IMPDH1: variants seen among roughly 807,000 people sequenced by gnomAD.
IMPDH1 encodes inosine monophosphate dehydrogenase 1, also known as inosine-5'-monophosphate dehydrogenase 1.
In IMPDH1, 41 loss-of-function variants were observed where a neutral mutation model predicts 73.5. The observed-to-expected ratio is 0.56, with a 90% CI of 0.43 to 0.72. The LOEUF is 0.72. IMPDH1 is among the 30% of genes least tolerant of loss of function. The probability of loss-of-function intolerance (pLI) is 0.00; values close to 1 mark genes in which losing one functional copy is unlikely to be tolerated. For synonymous variants in IMPDH1, 318 were observed against 334.3 expected (o/e 0.95, Z 0.53); for missense variants, 645 against 824.8 (o/e 0.78, Z 2.67).
intron 3 of IMPDH1, among the ~76,000 whole-genome samples, chr7:128,408,516 A>G (rs1335387740): frequency 7.2e-6 from 1 of 139,086 alleles, no homozygotes; most frequent in Non-Finnish European, 1.6e-5. Context: ...ATCTCACTAC[A>G]CCACCTGGCT....
At chr7:128,404,769 G>C (rs924563643) in intron 4 of IMPDH1, among the ~76,000 whole-genome samples, 3 of 152,156 alleles carry the variant, frequency 2.0e-5, no homozygotes, top group African/African-American at 7.2e-5. Context: ...AAAAAACAAA[G>C]AATTTCGGCT....
chr7:128,409,948 G>A lies in IMPDH1; in HGVS notation c.-47C>T. ...GGGCGGGAGCCTGGAGGCTCCCGGG[G>A]CCCCGGCTGGGCAGTGAGCGCAGCC... is the stretch of plus-strand genomic sequence containing the variant. On this transcript the variant is annotated 5_prime_UTR_variant, in exon 1 of 17. Coordinates refer to ENST00000338791, the MANE Select transcript of IMPDH1 (RefSeq NM_000883.4). The A allele has an allele frequency of 7.6e-7, 1 of 1,321,392 alleles. No individual in the cohort carries two copies. Among genetic ancestry groups the A allele is most frequent in the Non-Finnish European group, 9.6e-7 (1 of 1,040,574 alleles). The allele number at this position is 1,321,392 out of a possible 1,614,324, so 81.9% of individuals were successfully genotyped here. A position where few individuals can be genotyped will look rare whatever the true frequency, so the allele number is the denominator to read the frequency against.
intron 3 of IMPDH1, among the ~76,000 whole-genome samples, chr7:128,406,368 A>G (rs1230449332): frequency 2.2e-5 from 3 of 134,968 alleles, no homozygotes; most frequent in Non-Finnish European, 3.2e-5. Context: ...CCTTCTCCCC[A>G]GGGCACCTCT....
At position 128,394,916 on chromosome 7, in the gene IMPDH1, C is replaced by T. The variant is rs1797804894; in HGVS notation, c.1523G>A (p.Ser508Asn). The T allele has an allele frequency of 1.2e-6, 2 of 1,612,846 alleles. No homozygotes were observed. The highest frequency in any genetic ancestry group is 1.7e-6 in the Non-Finnish European group (2 of 1,180,028). The change falls in exon 14 of 17, where the codon AGC (serine) becomes AAC (asparagine). Residue 508 changes from serine (S) to asparagine (N), a missense_variant. Transcript: ENST00000338791. This position sits in a 1 kb window ranked among gnomAD's most constrained non-coding sequence, Gnocchi z 5.5. ...GMGSLDAMEK[S>N]SSSQKRYFSE... is the part of the protein sequence containing the mutation. The stretch of plus-strand genomic sequence containing the variant: ...GAAGTATCGTTTCTGGCTGCTGCTG[C>T]TCTTCTCCATGGCATCCAGTGAGCC...
In IMPDH1 at chr7:128,398,917, C is replaced by T. The variant is rs188431915; in HGVS notation, c.875-304G>A. On this transcript the variant is annotated intron_variant, in intron 9 of 16. Coordinates refer to ENST00000338791, the MANE Select transcript of IMPDH1 (RefSeq NM_000883.4). The surrounding 1 kb of genome is among the most constrained non-coding windows in gnomAD (Gnocchi z 4.3). Reference sequence around the variant, plus strand: ...CTTTCACCTGCTGGGCCACAGTGGCCGAAATCTCCTAGCCAGGAGTGATGC... The same window carrying T: ...CTTTCACCTGCTGGGCCACAGTGGCTGAAATCTCCTAGCCAGGAGTGATGC... Among the ~76,000 whole-genome samples the T allele has an allele frequency of 1.1e-3, 169 of 152,240 alleles. No homozygotes were observed. Among genetic ancestry groups the T allele is most frequent in the African/African-American group, 3.8e-3 (159 of 41,524 alleles).
rs1273358451 is a variant in IMPDH1 at position 128,398,143 on chromosome 7, C to T, written c.1074+271G>A. ...TTCTTTGTATCTCAGATGACACAAA[C>T]CATTGTTTGTTTTTTGAGAAAGGGT... On this transcript the variant is annotated intron_variant, in intron 10 of 16. Transcript: ENST00000338791. The surrounding 1 kb of genome is among the most constrained non-coding windows in gnomAD (Gnocchi z 4.3). Among the ~76,000 whole-genome samples, 1 of 152,158 alleles carries T rather than the reference C, an allele frequency of 6.6e-6. No individual in the cohort carries two copies. The highest frequency in any genetic ancestry group is 1.5e-5 in the Non-Finnish European group (1 of 68,024).
Position 128,400,356 on chromosome 7 carries a change from C to T in IMPDH1, c.763G>A (p.Asp255Asn), listed in dbSNP as rs1299517680. Residue 255 changes from aspartate (D) to asparagine (N), a missense_variant, in exon 8 of 17, where the codon GAC (aspartate) becomes AAC (asparagine). Physicochemically the swap from Asp to Asn is conservative, Grantham distance 23. Around this residue, in one of 2 missense-constraint regions of IMPDH1, gnomAD observed 459 missense variants for 638.2 expected, o/e 0.72. Coordinates refer to ENST00000338791, the MANE Select transcript of IMPDH1 (RefSeq NM_000883.4). The stretch of plus-strand genomic sequence containing the variant: ...ACCTCACTGAGGAGGGTGGTGTGGT[C>T]CTTCTCAGCAAGAAAGTCGATGTCT... ...SRDIDFLAEK[D>N]HTTLLSEVMT... 1 of 1,613,500 alleles carries T rather than the reference C, an allele frequency of 6.2e-7. No individual in the cohort carries two copies.
intron 4 of IMPDH1, among the ~76,000 whole-genome samples, chr7:128,405,527 G>A (rs531630642): frequency 6.6e-6 from 1 of 152,292 alleles, no homozygotes; most frequent in East Asian, 1.9e-4. Flanking sequence ...AGGAGGAAGG[G>A]GACAGGCCGA....
Position 128,401,076 on chromosome 7 carries a change from G to A in IMPDH1, c.443C>T (p.Thr148Met), listed in dbSNP as rs150278198. ...SALTRKITLK[T>M]PLISSPMDTV... is the part of the protein sequence containing the mutation. ...GTCCATGGGGGAGGAGATCAGTGGC[G>A]TCTTCAGCGTGATCTTCCGGGTCAG... is the stretch of plus-strand genomic sequence containing the variant. Residue 148 changes from threonine to methionine, a missense_variant, in exon 6 of 17, where the codon ACG becomes ATG. Physicochemically the swap from Thr to Met is moderately conservative, Grantham distance 81. Transcript: ENST00000338791. 3.7e-5 allele frequency: 60 copies of A among 1,613,920 alleles called. No individual in the cohort carries two copies. Among genetic ancestry groups the A allele is most frequent in the African/African-American group, 8.0e-5 (6 of 74,904 alleles).
chr7:128,409,941 T>TC lies in IMPDH1; in HGVS notation c.-41dup. The TC allele has an allele frequency of 7.6e-7, 1 of 1,324,270 alleles. No individual in the cohort carries two copies. Among genetic ancestry groups the TC allele is most frequent in the Non-Finnish European group, 9.6e-7 (1 of 1,042,690 alleles). 82.0% of individuals were successfully genotyped at this position (1,324,270 alleles called of 1,614,324 possible). On this transcript the variant is annotated 5_prime_UTR_variant, in exon 1 of 17. Coordinates refer to ENST00000338791, the MANE Select transcript of IMPDH1 (RefSeq NM_000883.4). ...TCAGGGCGGGCGGGAGCCTGGAGGC[T>TC]CCCGGGGCCCCGGCTGGGCAGTGAG...
At position 128,400,317 on chromosome 7, in the gene IMPDH1, C is replaced by G. The variant is rs1798231600; in HGVS notation, c.786+16G>C. The G allele has an allele frequency of 1.2e-6, 2 of 1,612,916 alleles. No homozygotes were observed. The highest frequency in any genetic ancestry group is 8.5e-7 in the Non-Finnish European group (1 of 1,179,242). ...CCTCTCTACACCCAGCCCTGCTTCC[C>G]CTGCCCTGCAGGTACCTCACTGAGG... On this transcript the variant is annotated intron_variant, in intron 8 of 16. Coordinates refer to ENST00000338791, the MANE Select transcript of IMPDH1 (RefSeq NM_000883.4).
chr7:128,402,396 C>G (rs1426182198), intron 5 of IMPDH1, among the ~76,000 whole-genome samples: 1 of 152,252 alleles, frequency 6.6e-6, no homozygotes, highest in Non-Finnish European at 1.5e-5. Context: ...AGCCACCACG[C>G]CCAGCTGGTA....
chr7:128,395,887 G>A (rs1332792202), intron 12 of IMPDH1, among the ~76,000 whole-genome samples: 3 of 152,248 alleles, frequency 2.0e-5, no homozygotes, highest in Admixed American at 6.5e-5. Context: ...TTTCACCATG[G>A]TGGCCACCTA....
In IMPDH1 at chr7:128,398,726, C is replaced by T; in HGVS notation, c.875-113G>A. The stretch of plus-strand genomic sequence containing the variant: ...ACTCCAGAGATTCCACTGAAGTACC[C>T]CAGTCAGCCACTAGGTGACAGCACC... On this transcript the variant is annotated intron_variant, in intron 9 of 16. Coordinates refer to ENST00000338791, the MANE Select transcript of IMPDH1 (RefSeq NM_000883.4). The surrounding 1 kb of genome is among the most constrained non-coding windows in gnomAD (Gnocchi z 4.3). 1.2e-6 allele frequency: 1 copy of T among 835,270 alleles called. No homozygotes were observed. The highest frequency in any genetic ancestry group is 2.0e-6 in the Non-Finnish European group (1 of 499,420). The allele number at this position is 835,270 out of a possible 1,614,324, so 51.7% of individuals were successfully genotyped here.
rs1797912434 is a variant in IMPDH1 at position 128,396,358 on chromosome 7, C to T, written c.1261+242G>A. Among the ~76,000 whole-genome samples the T allele has an allele frequency of 6.6e-6, 1 of 152,196 alleles. No individual in the cohort carries two copies. Among genetic ancestry groups the T allele is most frequent in the Non-Finnish European group, 1.5e-5 (1 of 68,028 alleles). ...CATGGACAGTCACACCAGCCCCAGG[C>T]CCCAAGCCCCAGGCAGAGCCCCCTT... is the stretch of plus-strand genomic sequence containing the variant. On this transcript the variant is annotated intron_variant, in intron 12 of 16. Coordinates refer to ENST00000338791, the MANE Select transcript of IMPDH1 (RefSeq NM_000883.4). The surrounding 1 kb of genome is among the most constrained non-coding windows in gnomAD (Gnocchi z 4.0).
intron 8 of IMPDH1, 75 bp downstream of exon 8, chr7:128,400,258 C>T (rs1268117100): frequency 6.3e-7 from 1 of 1,597,788 alleles, no homozygotes; most frequent in Non-Finnish European, 8.6e-7. Context: ...GGTCCCTGGT[C>T]ACAGGCACCA....
At chr7:128,393,569 G>A (rs1233392055) in intron 16 of IMPDH1, among the ~76,000 whole-genome samples, 2 of 152,102 alleles carry the variant, frequency 1.3e-5, no homozygotes, top group Non-Finnish European at 2.9e-5. Flanking sequence ...GAGTTAGGGG[G>A]CCGGGGGGGC....
rs1032668973 is a variant in IMPDH1 at position 128,396,557 on chromosome 7, G to C, written c.1261+43C>G. On this transcript the variant is annotated intron_variant, in intron 12 of 16. Coordinates refer to ENST00000338791, the MANE Select transcript of IMPDH1 (RefSeq NM_000883.4). The surrounding 1 kb of genome is among the most constrained non-coding windows in gnomAD (Gnocchi z 4.0). Reference sequence around the variant, plus strand: ...ATATACATCTGGGGAACAAAGGCGAGGCCCCGGGGCCAGCGGGCACTCGCT... The same window carrying C: ...ATATACATCTGGGGAACAAAGGCGACGCCCCGGGGCCAGCGGGCACTCGCT... 2 of 1,395,494 alleles carry C rather than the reference G, an allele frequency of 1.4e-6. No individual in the cohort carries two copies. The highest frequency in any genetic ancestry group is 2.9e-5 in the African/African-American group (2 of 70,112). 86.4% of individuals were successfully genotyped at this position (1,395,494 alleles called of 1,614,324 possible).
Position 128,400,185 on chromosome 7 carries a change from G to C in IMPDH1, c.787-3C>G, listed in dbSNP as rs1181893051. ...AGTTCAATCCTTGGCGTCATCACCT[G>C]TGGGGCCAGGAACATTTGCCTGCAG... On this transcript the variant is annotated splice_polypyrimidine_tract_variant and splice_region_variant and intron_variant, in intron 8 of 16. Coordinates refer to ENST00000338791, the MANE Select transcript of IMPDH1 (RefSeq NM_000883.4). 11 of 1,613,994 alleles carry C rather than the reference G, an allele frequency of 6.8e-6. No individual in the cohort carries two copies. The highest frequency in any genetic ancestry group is 1.7e-5 in the Admixed American group (1 of 60,012).
Sources: gnomAD v4.1 joint callset for allele counts (sites outside exome capture counted in the v4.1 genomes callset) on GRCh38, gnomAD v4.1.1 for gene constraint, gnomAD v4.1.1 regional missense constraint, Gnocchi (gnomAD v3.1) non-coding constraint, MANE v1.5 for transcripts, NCBI Gene and HGNC (gene_info 2026-07-23, HGNC 2026-07-21) for gene names.